KCNK3: variants seen among roughly 807,000 people sequenced by gnomAD.
The protein encoded by KCNK3 is potassium channel subfamily K member 3.
Under a neutral mutation model 27.3 loss-of-function variants are expected in KCNK3, and 9 were observed. That is an observed-to-expected ratio of 0.33 (90% CI 0.20 to 0.57). The LOEUF is 0.57. KCNK3 is among the 20% of genes least tolerant of loss of function. The pLI is 0.87. For missense variants in KCNK3, 391 were observed against 577.7 expected, an observed-to-expected ratio of 0.68 and a Z score of 3.31; for synonymous variants, 278 against 273.8, an observed-to-expected ratio of 1.02 and a Z score of -0.15.
At chr2:26,727,097 G>A (rs1038654866) in intron 1 of KCNK3, among the ~76,000 whole-genome samples, 20 of 152,188 alleles carry the variant, frequency 1.3e-4, no homozygotes, top group Non-Finnish European at 2.8e-4. Context: ...GGCTGGCAGC[G>A]GGGAATCCAC....
At chr2:26,715,870 T>C (rs1663222141) in intron 1 of KCNK3, among the ~76,000 whole-genome samples, 1 of 152,172 alleles carries the variant, frequency 6.6e-6, no homozygotes, top group African/African-American at 2.4e-5. Flanking sequence ...ATGCCCAGTG[T>C]TATTGCTTTG....
chr2:26,727,589 A>G, intron 1 of KCNK3, 78 bp from the exon 2 acceptor site: 2 of 1,509,138 alleles, frequency 1.3e-6, no homozygotes, highest in South Asian at 2.7e-5. Flanking sequence ...TGGCGGGGCA[A>G]CGGGGAGGGA....
At chr2:26,705,650 G>A (rs1445889142) in intron 1 of KCNK3, among the ~76,000 whole-genome samples, 1 of 152,206 alleles carries the variant, frequency 6.6e-6, no homozygotes, top group East Asian at 1.9e-4. Context: ...ACAGAGGGTT[G>A]TGTTGGCCTA....
At chr2:26,718,762 C>T (rs1291056960) in intron 1 of KCNK3, among the ~76,000 whole-genome samples, 3 of 144,698 alleles carry the variant, frequency 2.1e-5, no homozygotes, top group African/African-American at 7.3e-5. Flanking sequence ...GCACAAGCCA[C>T]CATGCCTAGC....
At chr2:26,702,023 TG>T (rs781411604) in intron 1 of KCNK3, among the ~76,000 whole-genome samples, 2 of 152,050 alleles carry the variant, frequency 1.3e-5, no homozygotes, top group East Asian at 3.9e-4. Context: ...ACCTGTGACA[TG>T]GGGGGGTTTT....
intron 1 of KCNK3, among the ~76,000 whole-genome samples, chr2:26,702,394 G>C (rs1435825861): frequency 6.6e-6 from 1 of 152,186 alleles, no homozygotes; most frequent in Non-Finnish European, 1.5e-5. Flanking sequence ...GGAGCAGCAG[G>C]TCAAATGAGA....
chr2:26,732,278 A>T lies in KCNK3; in HGVS notation c.*3710A>T, dbSNP rs2148041650. ...GCCTACCTTTCACAAAATAATTCTT[A>T]GCAACCCTGCTACAGCCAATGATTC... On this transcript the variant is annotated 3_prime_UTR_variant, in exon 2 of 2. Transcript: ENST00000302909. The T allele has an allele frequency of 6.6e-6, 1 of 152,406 alleles. No homozygotes were observed. The highest frequency in any genetic ancestry group is 2.1e-4 in the South Asian group (1 of 4,820). 9.4% of individuals were successfully genotyped at this position (152,406 alleles called of 1,614,324 possible).
intron 1 of KCNK3, among the ~76,000 whole-genome samples, chr2:26,719,318 G>A (rs1411512100): frequency 4.6e-5 from 7 of 152,156 alleles, no homozygotes; most frequent in Admixed American, 2.0e-4. Context: ...CCATTTGTGA[G>A]CACACCCACC....
intron 1 of KCNK3, among the ~76,000 whole-genome samples, chr2:26,694,202 G>A (rs1308690318): frequency 1.3e-5 from 2 of 152,114 alleles, no homozygotes; most frequent in African/African-American, 2.4e-5. Context: ...GACAAGGAGG[G>A]GTGGCCAAAA....
chr2:26,705,843 C>A (rs528799411), intron 1 of KCNK3, among the ~76,000 whole-genome samples: 1 of 152,008 alleles, frequency 6.6e-6, no homozygotes, highest in South Asian at 2.1e-4. Flanking sequence ...GTGACTTGGG[C>A]AACTCACCTG....
chr2:26,696,392 C>G (rs1356851399), intron 1 of KCNK3, among the ~76,000 whole-genome samples: 1 of 152,198 alleles, frequency 6.6e-6, no homozygotes, highest in Non-Finnish European at 1.5e-5. Context: ...CCCTGCTGGT[C>G]TTTTGGCTGC....
intron 1 of KCNK3, among the ~76,000 whole-genome samples, chr2:26,706,456 G>C (rs1024061144): frequency 2.6e-5 from 4 of 152,162 alleles, no homozygotes; most frequent in African/African-American, 9.7e-5. Context: ...AACAAATCTG[G>C]GGTTGGGGCC....
Position 26,728,959 on chromosome 2 carries a change from C to G in KCNK3, c.*391C>G. On this transcript the variant is annotated 3_prime_UTR_variant, in exon 2 of 2. Coordinates refer to ENST00000302909, the MANE Select transcript of KCNK3 (RefSeq NM_002246.3). ...TACGTTTGCATCTCTATTTATACCT[C>G]TGTCCTGCTAGGTCTCCCACCTTCC... is the stretch of plus-strand genomic sequence containing the variant. 1 of 179,606 alleles carries G rather than the reference C, an allele frequency of 5.6e-6. No homozygotes were observed. The highest frequency in any genetic ancestry group is 1.2e-5 in the Non-Finnish European group (1 of 86,766). The allele number at this position is 179,606 out of a possible 1,614,324, so 11.1% of individuals were successfully genotyped here.
Position 26,730,700 on chromosome 2 carries a change from C to CA in KCNK3, c.*2133dup. 1 of 152,536 alleles carries CA rather than the reference C, an allele frequency of 6.6e-6. No individual in the cohort carries two copies. Among genetic ancestry groups the CA allele is most frequent in the Non-Finnish European group, 1.5e-5 (1 of 68,246 alleles). 9.4% of individuals were successfully genotyped at this position (152,536 alleles called of 1,614,324 possible). On this transcript the variant is annotated 3_prime_UTR_variant, in exon 2 of 2. Coordinates refer to ENST00000302909, the MANE Select transcript of KCNK3 (RefSeq NM_002246.3). ...TCTACCCTGCTTGTGAGTCCCGTCT[C>CA]AGTGTGGAGGAACTGGCTGCACGTG... is the stretch of plus-strand genomic sequence containing the variant.
At chr2:26,712,701 G>A (rs1255477558) in intron 1 of KCNK3, among the ~76,000 whole-genome samples, 1 of 151,500 alleles carries the variant, frequency 6.6e-6, no homozygotes, top group East Asian at 1.9e-4. Flanking sequence ...GTGTGTGTAG[G>A]AGTGCGCACA....
chr2:26,698,958 C>G (rs1031626435), intron 1 of KCNK3, among the ~76,000 whole-genome samples: 1 of 152,030 alleles, frequency 6.6e-6, no homozygotes, highest in Non-Finnish European at 1.5e-5. Context: ...GGGCAGATCG[C>G]GTGAGGTCAG....
Position 26,728,315 on chromosome 2 carries a change from C to A in KCNK3, c.932C>A (p.Ser311Ter). Residue 311 changes from serine to a stop codon, truncating the protein, a stop_gained, in exon 2 of 2, where the codon TCG (serine) becomes TAG (stop). Transcript: ENST00000302909. LOFTEE classifies it high-confidence loss of function. The stretch of plus-strand genomic sequence containing the variant: ...GTGCTGCACTTCCAGTCCATGTGCT[C>A]GTGCCTGTGGTACAAGAGCCGCGAG... ...AEVLHFQSMC[S>*]CLWYKSREKL... is the part of the protein sequence containing the mutation. 2 of 1,602,520 alleles carry A rather than the reference C, an allele frequency of 1.2e-6. No homozygotes were observed. Among genetic ancestry groups the A allele is most frequent in the East Asian group, 2.3e-5 (1 of 44,266 alleles).
chr2:26,708,994 T>G (rs1256447908), intron 1 of KCNK3, among the ~76,000 whole-genome samples: 1 of 152,110 alleles, frequency 6.6e-6, no homozygotes, highest in East Asian at 1.9e-4. Flanking sequence ...CACTGGCTGA[T>G]GGGTACGATA....
At chr2:26,706,786 C>T (rs1572605535) in intron 1 of KCNK3, among the ~76,000 whole-genome samples, 1 of 152,148 alleles carries the variant, frequency 6.6e-6, no homozygotes, top group Non-Finnish European at 1.5e-5. Context: ...GCAGGCATCT[C>T]GTCCTTTCTT....
Sources: allele counts gnomAD v4.1 joint callset (sites outside exome capture counted in the v4.1 genomes callset), GRCh38; gene constraint gnomAD v4.1.1; transcripts MANE v1.5; gene names NCBI Gene and HGNC (gene_info 2026-07-23, HGNC 2026-07-21).